Variants in TANC1 observed in about 807,000 individuals in gnomAD.
TANC1 encodes tetratricopeptide repeat, ankyrin repeat and coiled-coil containing 1.
TANC1 carries 77 observed loss-of-function variants against 149.7 expected under a neutral mutation model. The ratio of observed to expected loss-of-function variants is 0.51; its 90% CI spans 0.43 to 0.62. The LOEUF is 0.62. Among genes scored for constraint, TANC1 ranks in the 20% least tolerant of loss-of-function variants. The pLI is 0.00. For synonymous variants in TANC1, 854 were observed against 925.0 expected (o/e 0.92, Z 1.39); for missense variants, 1,985 against 2,321.8 (o/e 0.85, Z 2.98).
rs779738303 is a variant in TANC1, at chr2:159,219,248, T to C, written c.3389T>C (p.Leu1130Pro). The C allele has an allele frequency of 1.9e-6, 3 of 1,614,204 alleles. No homozygotes were observed. Among genetic ancestry groups the C allele is most frequent in the Non-Finnish European group, 2.5e-6 (3 of 1,180,036 alleles). The stretch of plus-strand genomic sequence containing the variant: ...AAATGTCTCTTCCAGATTGTTAGAC[T>C]GCTGTTGGAACGCGGCTGTGATGTG... ...ARQGHWQIVR[L>P]LLERGCDVNL... Residue 1130 changes from leucine (L) to proline (P), a missense_variant, in exon 21 of 27, where the codon CTG (leucine) becomes CCG (proline). Transcript: ENST00000263635.
intron 23 of TANC1, chr2:159,224,571 G>T (rs2059905179): frequency 1.7e-6 from 1 of 595,132 alleles, no homozygotes; most frequent in East Asian, 3.0e-5. Flanking sequence ...GGAAAGCAGA[G>T]GCTGGTGTTG....
intron 2 of TANC1, among the ~76,000 whole-genome samples, chr2:159,025,023 A>C (rs780035528): frequency 2.0e-5 from 3 of 152,168 alleles, no homozygotes; most frequent in Non-Finnish European, 4.4e-5. Flanking sequence ...TATCCCCATC[A>C]TTAAGCCACC....
chr2:159,193,105 T>A (rs558411008), intron 16 of TANC1, among the ~76,000 whole-genome samples: 79 of 152,346 alleles, frequency 5.2e-4, no homozygotes, highest in African/African-American at 1.9e-3. Context: ...GAATCAAAAC[T>A]CTATATCCCT....
intron 11 of TANC1, among the ~76,000 whole-genome samples, chr2:159,174,607 T>C (rs544346755): frequency 1.3e-5 from 2 of 152,226 alleles, no homozygotes; most frequent in East Asian, 1.9e-4. Flanking sequence ...GATGGCACTT[T>C]TTGATGTTGA....
chr2:159,062,651 T>C (rs1019044776), intron 2 of TANC1, among the ~76,000 whole-genome samples: 10 of 152,148 alleles, frequency 6.6e-5, no homozygotes, highest in Admixed American at 5.2e-4. Flanking sequence ...TGGATGAGAC[T>C]GGGCAAAGTG....
At chr2:159,160,018 G>A (rs1036979497) in intron 7 of TANC1, among the ~76,000 whole-genome samples, 1 of 152,108 alleles carries the variant, frequency 6.6e-6, no homozygotes, top group African/African-American at 2.4e-5. Context: ...TGTTTTGGAA[G>A]TATTCTACCC....
chr2:159,221,701 G>A (rs542505189), intron 22 of TANC1, among the ~76,000 whole-genome samples: 2 of 152,278 alleles, frequency 1.3e-5, no homozygotes, highest in South Asian at 4.2e-4. Context: ...ATTTCATCAT[G>A]TACATATACT....
intron 2 of TANC1, chr2:159,004,288 AT>A (rs1369099570): frequency 1.2e-6 from 2 of 1,612,062 alleles, no homozygotes; most frequent in Non-Finnish European, 1.7e-6. Flanking sequence ...CTTGTAGAAA[AT>A]TTTGATGAGG....
intron 1 of TANC1, among the ~76,000 whole-genome samples, chr2:158,988,096 G>T (rs60991340): frequency 0.068 from 10,399 of 151,946 alleles, 544 homozygotes; most frequent in East Asian, 0.16. Context: ...GCTGTGGTGG[G>T]CAGATCACCT....
rs55746240 is a variant in TANC1, at chr2:159,019,653, G to GTTTTTTTTTTTT, written c.-16+18486_-16+18497dup. Among the ~76,000 whole-genome samples, 60 of 73,300 alleles carry GTTTTTTTTTTTT rather than the reference G, an allele frequency of 8.2e-4. 13 individuals are homozygous for GTTTTTTTTTTTT. Among genetic ancestry groups the GTTTTTTTTTTTT allele is most frequent in the Non-Finnish European group, 1.4e-3 (54 of 39,230 alleles). 48.1% of individuals were successfully genotyped at this position (73,300 alleles called of 152,430 possible). A position where few individuals can be genotyped will look rare whatever the true frequency, so the allele number is the denominator to read the frequency against. ...CCTAACTGCAGCTTGCTTTCTTTCTGTTTTTTTTTTTTTTTTTTTTTTTTT... is the reference window on the plus strand; with the variant it reads ...CCTAACTGCAGCTTGCTTTCTTTCTGTTTTTTTTTTTTTTTTTTTTTTTTTTTTTTTTTTTTT... On this transcript the variant is annotated intron_variant, in intron 2 of 26. Transcript: ENST00000263635.
Position 159,178,974 on chromosome 2 carries a change from T to C in TANC1, c.2321T>C (p.Phe774Ser). ...CACCCCATGACAGACGAGCAGATCT[T>C]TCAGGCTATTAATGCTGGCCACATC... is the stretch of plus-strand genomic sequence containing the variant. ...SLHPMTDEQI[F>S]QAINAGHIQG... is the part of the protein sequence containing the mutation. Residue 774 changes from phenylalanine (F) to serine (S), a missense_variant, in exon 14 of 27, where the codon TTT becomes TCT. By Grantham distance (155) the Phe-to-Ser change is radical. Coordinates refer to ENST00000263635, the MANE Select transcript of TANC1 (RefSeq NM_033394.3). 6.2e-7 allele frequency: 1 copy of C among 1,614,088 alleles called. No individual in the cohort carries two copies. The highest frequency in any genetic ancestry group is 8.5e-7 in the Non-Finnish European group (1 of 1,180,014).
chr2:159,135,158 G>T (rs1193707139), intron 4 of TANC1, among the ~76,000 whole-genome samples: 1 of 152,176 alleles, frequency 6.6e-6, no homozygotes, highest in East Asian at 1.9e-4. Flanking sequence ...CTTTCTGAAA[G>T]ATTTGGCTAT....
chr2:159,006,938 T>C (rs2037241493), intron 2 of TANC1, among the ~76,000 whole-genome samples: 2 of 152,172 alleles, frequency 1.3e-5, no homozygotes, highest in South Asian at 2.1e-4. Flanking sequence ...ACAATAATAA[T>C]GCTGTGCACT....
intron 4 of TANC1, among the ~76,000 whole-genome samples, chr2:159,134,613 G>T (rs905795381): frequency 6.6e-6 from 1 of 152,196 alleles, no homozygotes; most frequent in Non-Finnish European, 1.5e-5. Context: ...CTCCTGAGTA[G>T]CTGGGATTAC....
chr2:159,102,374 G>T (rs1184267839), intron 4 of TANC1, among the ~76,000 whole-genome samples: 2 of 151,198 alleles, frequency 1.3e-5, no homozygotes, highest in East Asian at 3.9e-4. Flanking sequence ...CAACCTCCTG[G>T]GCTCAAGCGA....
chr2:158,980,354 C>T (rs972820320), intron 1 of TANC1, among the ~76,000 whole-genome samples: 12 of 151,760 alleles, frequency 7.9e-5, no homozygotes, highest in African/African-American at 2.9e-4. Context: ...TGTTGAAATA[C>T]TTAAAAATCA....
At chr2:158,972,898 T>C (rs2033107873) in intron 1 of TANC1, among the ~76,000 whole-genome samples, 1 of 152,182 alleles carries the variant, frequency 6.6e-6, no homozygotes, top group African/African-American at 2.4e-5. Context: ...TTTAATAATA[T>C]TATCAGGAGC....
intron 4 of TANC1, among the ~76,000 whole-genome samples, chr2:159,117,041 A>G (rs892481042): frequency 6.6e-6 from 1 of 151,984 alleles, no homozygotes; most frequent in Admixed American, 6.6e-5. Flanking sequence ...GAGCCCTCAC[A>G]CTCTGCCTTT....
intron 3 of TANC1, among the ~76,000 whole-genome samples, chr2:159,074,326 G>T (rs898909930): frequency 6.6e-6 from 1 of 152,110 alleles, no homozygotes; most frequent in Non-Finnish European, 1.5e-5. Flanking sequence ...TGCTAGATTT[G>T]GTACATGGTG....
Sources: allele counts gnomAD v4.1 joint callset (sites outside exome capture counted in the v4.1 genomes callset), GRCh38; gene constraint gnomAD v4.1.1; transcripts MANE v1.5; gene names NCBI Gene and HGNC (gene_info 2026-07-23, HGNC 2026-07-21).